Variants in ANKRD36C observed in about 807,000 individuals in gnomAD.
ANKRD36C encodes the protein ankyrin repeat domain-containing protein 36C.
Under a neutral mutation model 276.4 loss-of-function variants are expected in ANKRD36C, and 61 were observed. The ratio of observed to expected loss-of-function variants is 0.22; its 90% CI spans 0.18 to 0.27. The LOEUF is 0.27. ANKRD36C is among the 10% of genes least tolerant of loss of function. The pLI, the probability that ANKRD36C is intolerant of heterozygous loss-of-function variation, is 1.00. For synonymous variants in ANKRD36C, 483 were observed against 680.1 expected, an observed-to-expected ratio of 0.71 and a Z score of 4.51; for missense variants, 1,447 against 2,032.3, an observed-to-expected ratio of 0.71 and a Z score of 5.54.
intron 4 of ANKRD36C, among the ~76,000 whole-genome samples, chr2:95,981,204 G>A (rs867193881): frequency 4.0e-5 from 6 of 151,674 alleles, no homozygotes; most frequent in African/African-American, 1.5e-4. Context: ...AATGCTAATA[G>A]TAGTAGTCGT....
At chr2:95,907,369 T>C (rs955022982) in intron 42 of ANKRD36C, 4 of 59,590 alleles carry the variant, frequency 6.7e-5, no homozygotes, top group Non-Finnish European at 1.3e-4. Flanking sequence ...ATCTGTTTGC[T>C]GATACCTAGT....
At chr2:95,954,632 T>C (rs563434051) in intron 13 of ANKRD36C, among the ~76,000 whole-genome samples, 1 of 152,278 alleles carries the variant, frequency 6.6e-6, no homozygotes, top group Non-Finnish European at 1.5e-5. Flanking sequence ...GTATATGTTG[T>C]TAGATTGTTA....
At chr2:95,912,774 T>C (rs1380688964) in intron 40 of ANKRD36C, among the ~76,000 whole-genome samples, 4 of 151,486 alleles carry the variant, frequency 2.6e-5, no homozygotes, top group Admixed American at 2.0e-4. Flanking sequence ...TGAGAATCAA[T>C]GTCAGAACAG....
chr2:95,908,748 T>C, intron 42 of ANKRD36C, 51 bp from the exon 47 acceptor site: 1 of 1,537,072 alleles, frequency 6.5e-7, no homozygotes, highest in Non-Finnish European at 8.8e-7. Flanking sequence ...ATGACAAAAT[T>C]ATCCACATAT....
intron 5 of ANKRD36C, among the ~76,000 whole-genome samples, chr2:95,980,198 C>CT (rs1045584606): frequency 6.6e-6 from 1 of 151,990 alleles, no homozygotes; most frequent in African/African-American, 2.4e-5. Flanking sequence ...GATTGTCTTC[C>CT]TTGGACTTAG....
chr2:95,895,554 T>G lies in ANKRD36C; in HGVS notation c.2755+3591A>C. ...ACTAGCTCACAATATAAATGAGAGTTTTATTACCTTCAAGGCTGCTTTTTT... is the reference window on the plus strand; with the variant it reads ...ACTAGCTCACAATATAAATGAGAGTGTTATTACCTTCAAGGCTGCTTTTTT... On this transcript the variant is annotated intron_variant, in intron 44 of 66. Coordinates refer to ENST00000456556, the Ensembl canonical transcript of ANKRD36C. 3 of 1,534,508 alleles carry G rather than the reference T, an allele frequency of 2.0e-6. No homozygotes were observed. In the South Asian group the frequency reaches 3.4e-5, roughly 18 times the overall value.
chr2:95,872,857 T>C (rs1675848080), intron 59 of ANKRD36C, among the ~76,000 whole-genome samples: 1 of 152,006 alleles, frequency 6.6e-6, no homozygotes, highest in Admixed American at 6.5e-5. Context: ...CCCACAGAAA[T>C]ACAAACTACC....
intron 6 of ANKRD36C, among the ~76,000 whole-genome samples, chr2:95,968,517 T>A (rs1334263498): frequency 6.6e-6 from 1 of 152,206 alleles, no homozygotes; most frequent in African/African-American, 2.4e-5. Flanking sequence ...GTCCCCCTTA[T>A]CTGCTGTATG....
chr2:95,960,163 C>G (rs911359782), intron 10 of ANKRD36C, among the ~76,000 whole-genome samples: 1 of 152,032 alleles, frequency 6.6e-6, no homozygotes, highest in African/African-American at 2.4e-5. Flanking sequence ...TCTCCTTCCC[C>G]TCTTGATGGA....
chr2:95,917,614 T>C (rs2104414132), intron 36 of ANKRD36C, among the ~76,000 whole-genome samples: 1 of 151,656 alleles, frequency 6.6e-6, no homozygotes, highest in South Asian at 2.1e-4. Flanking sequence ...CCTCTCTCCA[T>C]ATTTCTTCTT....
Position 95,867,589 on chromosome 2 carries a change from A to G in ANKRD36C, c.3541-8T>C. 7.9e-7 allele frequency: 1 copy of G among 1,261,938 alleles called. No homozygotes were observed. The highest frequency in any genetic ancestry group is 1.1e-6 in the Non-Finnish European group (1 of 926,942). The allele number at this position is 1,261,938 out of a possible 1,614,324, so 78.2% of individuals were successfully genotyped here. A position where few individuals can be genotyped will look rare whatever the true frequency, so the allele number is the denominator to read the frequency against. Reference sequence around the variant, plus strand: ...ATGTATTTGGTTTTTCACCTACAAAATAAATAACACTGTTTCAAAATGTCC... The same window carrying G: ...ATGTATTTGGTTTTTCACCTACAAAGTAAATAACACTGTTTCAAAATGTCC... On this transcript the variant is annotated splice_polypyrimidine_tract_variant and splice_region_variant and intron_variant, in intron 59 of 66. Coordinates refer to ENST00000456556, the Ensembl canonical transcript of ANKRD36C.
chr2:95,916,135 T>A lies in ANKRD36C; in HGVS notation c.2376+8A>T. ...ACTAGCTCACAATATAAATGAGAGT[T>A]TCATTACCTTCAAGGCTGGTTTTTT... On this transcript the variant is annotated splice_region_variant and intron_variant, in intron 37 of 66. Transcript: ENST00000456556. 6.2e-7 allele frequency: 1 copy of A among 1,605,424 alleles called. No individual in the cohort carries two copies. Among genetic ancestry groups the A allele is most frequent in the Non-Finnish European group, 8.5e-7 (1 of 1,177,982 alleles).
intron 60 of ANKRD36C, among the ~76,000 whole-genome samples, chr2:95,866,813 T>G (rs1291745677): frequency 6.6e-6 from 1 of 152,132 alleles, no homozygotes; most frequent in Non-Finnish European, 1.5e-5. Context: ...GTTTCACATG[T>G]GTATACATCT....
At chr2:95,858,768 G>C (rs1675488296) in intron 61 of ANKRD36C, among the ~76,000 whole-genome samples, 1 of 152,046 alleles carries the variant, frequency 6.6e-6, no homozygotes, top group Admixed American at 6.6e-5. Flanking sequence ...AATGTAATAT[G>C]TTACCCTACA....
chr2:95,982,363 C>A lies in ANKRD36C; in HGVS notation c.487-1G>T. On this transcript the variant is annotated splice_acceptor_variant, in intron 3 of 66. Transcript: ENST00000456556. LOFTEE classifies it high-confidence loss of function. ...CAAGGAACAGTGGCGGATATTCATC[C>A]TGTAAAATAACAGCAACAATTTATA... 6.5e-7 allele frequency: 1 copy of A among 1,536,636 alleles called. No homozygotes were observed. Among genetic ancestry groups the A allele is most frequent in the Non-Finnish European group, 8.8e-7 (1 of 1,140,586 alleles).
Position 95,948,545 on chromosome 2 carries a change from A to C in ANKRD36C, c.1347T>G (p.Phe449Leu), listed in dbSNP as rs751257960. 18 of 1,535,760 alleles carry C rather than the reference A, an allele frequency of 1.2e-5. No homozygotes were observed. In the South Asian group the frequency reaches 1.9e-4, roughly 16 times the overall value. Residue 449 changes from phenylalanine (F) to leucine (L), a missense_variant, in exon 17 of 67, where the codon TTT becomes TTG. This residue lies in a region of ANKRD36C where 24 missense variants were observed against 21.8 expected (regional missense o/e 1.10). Coordinates refer to ENST00000456556, the Ensembl canonical transcript of ANKRD36C. ...AGTACTCTACCTCAGATTCCAAAGC[A>C]AACTTATCCTTTGTCACAGCCTGTG...
chr2:95,910,310 T>C (rs2104393354), intron 42 of ANKRD36C, 63 bp downstream of exon 46: 1 of 1,476,330 alleles, frequency 6.8e-7, no homozygotes, highest in Admixed American at 2.2e-5. Flanking sequence ...CTGCTTTATT[T>C]GGAGAAGAGA....
At chr2:95,982,157 GTCT>G in intron 4 of ANKRD36C, 96 bp downstream of exon 4, 1 of 885,472 alleles carries the variant, frequency 1.1e-6, no homozygotes. Context: ...TTAAAAGTTA[GTCT>G]TCTTATTAAT....
intron 42 of ANKRD36C, 68 bp downstream of exon 50, chr2:95,906,563 G>T: frequency 4.9e-6 from 1 of 205,072 alleles, no homozygotes; most frequent in Non-Finnish European, 9.2e-6. Context: ...GCCCCCCACT[G>T]ATTTATTCGG....
Sources: gnomAD v4.1 joint callset for allele counts (sites outside exome capture counted in the v4.1 genomes callset) on GRCh38, gnomAD v4.1.1 for gene constraint, gnomAD v4.1.1 regional missense constraint, MANE v1.5 for transcripts, NCBI Gene and HGNC (gene_info 2026-07-23, HGNC 2026-07-21) for gene names.